UPRT: variants seen among roughly 807,000 people sequenced by gnomAD.
The protein encoded by UPRT is RP11-311P8.3.
Under a neutral mutation model 22.6 loss-of-function variants are expected in UPRT, and 5 were observed. The observed-to-expected ratio is 0.22, with a 90% CI of 0.12 to 0.47. The LOEUF is 0.47. Ranked by LOEUF, UPRT falls within the 20% of genes least tolerant of loss-of-function variation. The pLI is 0.99. For missense variants in UPRT, 181 were observed against 239.9 expected (o/e 0.75, Z 1.62); for synonymous variants, 77 against 87.7 (o/e 0.88, Z 0.68).
intron 5 of UPRT, 94 bp from the exon 6 acceptor site, chrX:75,300,773 T>A: frequency 1.5e-6 from 1 of 651,278 alleles, no homozygotes; most frequent in Non-Finnish European, 2.4e-6. Context: ...AGTGACAGAG[T>A]GATTCCCTGT....
intron 1 of UPRT, among the ~76,000 whole-genome samples, chrX:75,290,281 A>G (rs1459770051): frequency 9.0e-6 from 1 of 111,637 alleles, no homozygotes; most frequent in Non-Finnish European, 1.9e-5. Context: ...TAGAATGGTG[A>G]TTATTAAAAA....
At chrX:75,225,715 G>A (rs1237319802) in intron 4 of UPRT, among the ~76,000 whole-genome samples, 1 of 111,646 alleles carries the variant, frequency 9.0e-6, no homozygotes. Flanking sequence ...CTGGAAAATG[G>A]GTTAGCAGAG....
intron 4 of UPRT, among the ~76,000 whole-genome samples, chrX:75,188,554 G>A (rs1203010314): frequency 8.9e-6 from 1 of 112,913 alleles, no homozygotes; most frequent in African/African-American, 3.2e-5. Flanking sequence ...GCTCCACCCA[G>A]TTTGAGCTTC....
chrX:75,296,536 T>C, intron 3 of UPRT, 125 bp downstream of exon 3: 1 of 554,702 alleles, frequency 1.8e-6, no homozygotes, highest in Non-Finnish European at 2.8e-6. Context: ...GAGCTATTCT[T>C]TTAAAATCTT....
chrX:75,217,865 A>T (rs5981810), intron 4 of UPRT, among the ~76,000 whole-genome samples: 3,559 of 112,111 alleles, frequency 0.032, 145 homozygotes, highest in African/African-American at 0.11. Context: ...TCCCTTCCTT[A>T]CACCTTATAC....
At chrX:75,250,083 C>T (rs1012252939) in intron 4 of UPRT, among the ~76,000 whole-genome samples, 1 of 111,920 alleles carries the variant, frequency 8.9e-6, no homozygotes, top group Admixed American at 9.5e-5. Flanking sequence ...AAATTTATAG[C>T]ACTAAATGCT....
chrX:75,215,404 T>C (rs2082389971), intron 4 of UPRT, among the ~76,000 whole-genome samples: 1 of 111,229 alleles, frequency 9.0e-6, no homozygotes. Flanking sequence ...CAACAGGATA[T>C]TAATAAAGAG....
intron 4 of UPRT, among the ~76,000 whole-genome samples, chrX:75,185,765 G>C (rs1207150642): frequency 9.0e-6 from 1 of 111,715 alleles, no homozygotes; most frequent in Non-Finnish European, 1.9e-5. Context: ...TGTATGTGTC[G>C]ATGAATTTAT....
At chrX:75,268,673 A>G (rs969008908) in intron 4 of UPRT, among the ~76,000 whole-genome samples, 1 of 98,801 alleles carries the variant, frequency 1.0e-5, no homozygotes, top group African/African-American at 3.5e-5. Flanking sequence ...GATTATCTCA[A>G]CAGATGCAGG....
At chrX:75,246,158 G>T (rs1220327168) in intron 4 of UPRT, among the ~76,000 whole-genome samples, 3 of 108,975 alleles carry the variant, frequency 2.8e-5, no homozygotes, top group South Asian at 4.2e-4. Context: ...ACAATGTGCA[G>T]GTTTGTTACA....
chrX:75,267,526 G>A (rs777470567), intron 4 of UPRT, among the ~76,000 whole-genome samples: 1 of 111,818 alleles, frequency 8.9e-6, no homozygotes, highest in African/African-American at 3.3e-5. Context: ...GTATACATAC[G>A]TAACAAACCT....
chrX:75,206,594 C>T (rs189870626), intron 4 of UPRT, among the ~76,000 whole-genome samples: 103 of 111,166 alleles, frequency 9.3e-4, no homozygotes, highest in African/African-American at 3.1e-3. Context: ...CCTTCCTGAA[C>T]CGTGCCAGCC....
At chrX:75,255,334 G>A (rs1411723284) in intron 4 of UPRT, among the ~76,000 whole-genome samples, 5 of 111,625 alleles carry the variant, frequency 4.5e-5, no homozygotes, top group African/African-American at 6.5e-5. Flanking sequence ...CCAAGCCACC[G>A]CTACAAGAAC....
At position 75,217,069 on chromosome X, in the gene UPRT, C is replaced by CA. The variant is rs765227489; in HGVS notation, c.-447+49198dup. 3.4e-4 allele frequency among the ~76,000 whole-genome samples: 38 copies of CA among 111,012 alleles called. 1 individual carries two copies. In the East Asian group the frequency reaches 7.3e-3, roughly 21 times the overall value. On this transcript the variant is annotated intron_variant, in intron 4 of 13. Transcript: ENST00000652605. Reference sequence around the variant, plus strand: ...CGCCTGGCCGAGAAATAAGTATTTTCAAAAAAAAGAATTAGGACATGGTGG... The same window carrying CA: ...CGCCTGGCCGAGAAATAAGTATTTTCAAAAAAAAAGAATTAGGACATGGTGG...
At chrX:75,240,883 A>G (rs2082486266) in intron 4 of UPRT, among the ~76,000 whole-genome samples, 1 of 111,745 alleles carries the variant, frequency 8.9e-6, no homozygotes, top group Non-Finnish European at 1.9e-5. Context: ...CAAAACTAGA[A>G]GAATGAAACT....
chrX:75,251,727 G>C (rs1288257392), intron 4 of UPRT, among the ~76,000 whole-genome samples: 2 of 111,063 alleles, frequency 1.8e-5, no homozygotes, highest in Admixed American at 1.9e-4. Flanking sequence ...ATTTCATATA[G>C]AACCAAAAAA....
rs1415005970 is a variant in UPRT at position 75,191,574 on chromosome X, A to G, written c.-447+23695A>G. 1.8e-5 allele frequency among the ~76,000 whole-genome samples: 2 copies of G among 111,780 alleles called. 1 individual carries two copies. The highest frequency in any genetic ancestry group is 1.9e-4 in the Admixed American group (2 of 10,599). On this transcript the variant is annotated intron_variant, in intron 4 of 13. Transcript: ENST00000652605. ...CTGCCCCCAGAGGTGAAGTCTACAGAGGCAGGCAGGCCTCCTTGAGCTGTG... is the reference window on the plus strand; with the variant it reads ...CTGCCCCCAGAGGTGAAGTCTACAGGGGCAGGCAGGCCTCCTTGAGCTGTG...
intron 4 of UPRT, among the ~76,000 whole-genome samples, chrX:75,177,153 AG>A (rs1569258909): frequency 2.7e-5 from 3 of 109,914 alleles, no homozygotes; most frequent in Middle Eastern, 4.8e-3. Flanking sequence ...TCACCGACAC[AG>A]CAGCAGAAAC....
At position 75,292,358 on chromosome X, in the gene UPRT, A is replaced by G. The variant is rs1207679905; in HGVS notation, c.387-1114A>G. 1.7e-4 allele frequency among the ~76,000 whole-genome samples: 19 copies of G among 111,769 alleles called. No individual in the cohort carries two copies. In the Admixed American group the frequency reaches 1.8e-3, roughly 11 times the overall value. ...TGTGTGGATAGAGTTTTCTGAGTTT[A>G]AGGAATTTTTGTAAATAAACAACAC... On this transcript the variant is annotated intron_variant, in intron 1 of 6. Coordinates refer to ENST00000373383, the MANE Select transcript of UPRT (RefSeq NM_145052.4).
Sources: allele counts gnomAD v4.1 joint callset (sites outside exome capture counted in the v4.1 genomes callset), GRCh38; gene constraint gnomAD v4.1.1; transcripts MANE v1.5; gene names NCBI Gene and HGNC (gene_info 2026-07-23, HGNC 2026-07-21).